The following GAS7 variants were observed in gnomAD, a reference collection of about 807,000 sequenced individuals.
GAS7 encodes growth arrest specific 7, also known as growth arrest-specific protein 7.
A neutral mutation model predicts 71.1 loss-of-function variants in GAS7; 28 were observed. The observed-to-expected ratio is 0.39, with a 90% CI of 0.29 to 0.54. The LOEUF is 0.54. GAS7 is among the 20% of genes least tolerant of loss of function. GAS7 has a pLI of 0.62. For missense variants in GAS7, 436 were observed against 627.8 expected, an observed-to-expected ratio of 0.69 and a Z score of 3.27; for synonymous variants, 258 against 245.8, an observed-to-expected ratio of 1.05 and a Z score of -0.46.
At chr17:9,979,467 T>C (rs537283552) in intron 3 of GAS7, among the ~76,000 whole-genome samples, 9 of 152,208 alleles carry the variant, frequency 5.9e-5, no homozygotes, top group Admixed American at 5.2e-4. Flanking sequence ...GATGCACCTG[T>C]AGGGTAAAGA....
At chr17:9,928,279 A>ATTTT (rs547589875) in intron 9 of GAS7, among the ~76,000 whole-genome samples, 1 of 137,676 alleles carries the variant, frequency 7.3e-6, no homozygotes, top group Non-Finnish European at 1.6e-5. Context: ...CGCCCGGCTA[A>ATTTT]TTTTTTTTTT....
At chr17:10,119,853 G>A (rs1322973742) in intron 1 of GAS7, among the ~76,000 whole-genome samples, 1 of 152,178 alleles carries the variant, frequency 6.6e-6, no homozygotes, top group East Asian at 1.9e-4. Flanking sequence ...CCTGCTGGGC[G>A]AGTTTGGTTC....
At position 9,981,704 on chromosome 17, in the gene GAS7, A is replaced by T; in HGVS notation, c.385+100T>A. The T allele has an allele frequency of 1.4e-6, 1 of 736,392 alleles. No individual in the cohort carries two copies. The highest frequency in any genetic ancestry group is 1.6e-5 in the South Asian group (1 of 62,056). The allele number at this position is 736,392 out of a possible 1,614,324, so 45.6% of individuals were successfully genotyped here. A position where few individuals can be genotyped will look rare whatever the true frequency, so the allele number is the denominator to read the frequency against. ...CCCAACCCCTCCCTGGGTTTGCTAC[A>T]TCAGCCAGGTTTAAGACCCAGGACC... On this transcript the variant is annotated intron_variant, in intron 3 of 13. Transcript: ENST00000432992. This position sits in a 1 kb window ranked among gnomAD's most constrained non-coding sequence, Gnocchi z 4.4.
intron 1 of GAS7, among the ~76,000 whole-genome samples, chr17:10,161,984 G>A (rs1248960085): frequency 2.0e-5 from 3 of 149,332 alleles, no homozygotes; most frequent in Non-Finnish European, 4.4e-5. Context: ...GGAGAATGGC[G>A]TGAACCCGGG....
At chr17:10,179,368 A>C (rs1387122736) in intron 1 of GAS7, among the ~76,000 whole-genome samples, 1 of 152,026 alleles carries the variant, frequency 6.6e-6, no homozygotes, top group East Asian at 1.9e-4. Context: ...TGTGACACCA[A>C]ATGAGAGGAG....
chr17:10,194,711 C>T (rs1050769450), intron 1 of GAS7, among the ~76,000 whole-genome samples: 4 of 152,080 alleles, frequency 2.6e-5, no homozygotes, highest in African/African-American at 9.7e-5. Flanking sequence ...CAGTGGCTCA[C>T]GCCTGTAATC....
At chr17:9,951,196 TCA>T (rs1203544984) in intron 5 of GAS7, among the ~76,000 whole-genome samples, 1 of 152,232 alleles carries the variant, frequency 6.6e-6, no homozygotes, top group Admixed American at 6.5e-5. Context: ...TTTCAACAAA[TCA>T]CAGTCATCAC....
chr17:10,072,071 A>G (rs2073345697), intron 1 of GAS7, among the ~76,000 whole-genome samples: 1 of 152,170 alleles, frequency 6.6e-6, no homozygotes, highest in South Asian at 2.1e-4. Flanking sequence ...TCTCTATCAC[A>G]GTAGTCTGCA....
chr17:10,167,183 G>T (rs997168224), intron 1 of GAS7, among the ~76,000 whole-genome samples: 1 of 149,700 alleles, frequency 6.7e-6, no homozygotes, highest in African/African-American at 2.5e-5. Context: ...TCAGCCTCCC[G>T]AGTAGCTGGG....
chr17:10,088,220 C>CAAT (rs58029258), intron 1 of GAS7, among the ~76,000 whole-genome samples: 26,516 of 137,580 alleles, frequency 0.19, 2,826 homozygotes, highest in Middle Eastern at 0.28. Flanking sequence ...GACTCTATCT[C>CAAT]AATAATAATA....
Position 9,914,603 on chromosome 17 carries a change from T to C in GAS7, c.*2625A>G. ...TTGGATATGGGCCGTGAGGGTCTGG[T>C]GACCAGGTGATTAAAATCTTGTTGC... On this transcript the variant is annotated 3_prime_UTR_variant, in exon 14 of 14. Transcript: ENST00000432992. 1 of 209,758 alleles carries C rather than the reference T, an allele frequency of 4.8e-6. No homozygotes were observed. Among genetic ancestry groups the C allele is most frequent in the Non-Finnish European group, 9.7e-6 (1 of 103,080 alleles). 13.0% of individuals were successfully genotyped at this position (209,758 alleles called of 1,614,324 possible).
intron 1 of GAS7, among the ~76,000 whole-genome samples, chr17:10,110,492 G>C (rs979477018): frequency 2.6e-5 from 4 of 152,092 alleles, no homozygotes; most frequent in African/African-American, 9.7e-5. Context: ...TTAAGACGGA[G>C]TCTCGCTGTG....
In GAS7 at chr17:9,919,969, T is replaced by TGTG. The variant is rs2067738985; in HGVS notation, c.1139-265_1139-264insCAC. Among the ~76,000 whole-genome samples, 26 of 131,498 alleles carry TGTG rather than the reference T, an allele frequency of 2.0e-4. No individual in the cohort carries two copies. Among genetic ancestry groups the TGTG allele is most frequent in the South Asian group, 5.4e-4 (2 of 3,726 alleles). The allele number at this position is 131,498 out of a possible 152,430, so 86.3% of individuals were successfully genotyped here. On this transcript the variant is annotated intron_variant, in intron 11 of 13. Coordinates refer to ENST00000432992, the MANE Select transcript of GAS7 (RefSeq NM_201433.2). The surrounding 1 kb of genome is among the most constrained non-coding windows in gnomAD (Gnocchi z 5.0). ...AGGATTCAGGATGGTGGTTCTCATT[T>TGTG]TGTGTGTGTGTGTGTGTGTGTGTGT...
chr17:10,137,226 G>A (rs1170197683), intron 1 of GAS7, among the ~76,000 whole-genome samples: 3 of 152,108 alleles, frequency 2.0e-5, no homozygotes, highest in African/African-American at 4.8e-5. Flanking sequence ...TGCACTTGCT[G>A]TTTCCTCTGC....
At chr17:10,008,038 G>A (rs1023635226) in intron 2 of GAS7, among the ~76,000 whole-genome samples, 29 of 152,094 alleles carry the variant, frequency 1.9e-4, no homozygotes, top group Non-Finnish European at 2.8e-4. Context: ...GTTCATCCAC[G>A]TTGTAGCATG....
At chr17:9,996,087 A>T (rs759281704) in intron 2 of GAS7, among the ~76,000 whole-genome samples, 11 of 152,242 alleles carry the variant, frequency 7.2e-5, no homozygotes, top group Non-Finnish European at 1.2e-4. Context: ...CCAAAGTAAG[A>T]AGACTATAAC....
intron 2 of GAS7, among the ~76,000 whole-genome samples, chr17:10,010,788 A>G (rs1277082960): frequency 6.6e-6 from 1 of 152,222 alleles, no homozygotes; most frequent in African/African-American, 2.4e-5. Context: ...TGAATACTGA[A>G]CTAAAGTACA....
chr17:10,047,023 G>A (rs1224947792), intron 1 of GAS7, among the ~76,000 whole-genome samples: 1 of 152,104 alleles, frequency 6.6e-6, no homozygotes, highest in South Asian at 2.1e-4. Context: ...TTGAGATGCA[G>A]GATTTGCACT....
intron 1 of GAS7, among the ~76,000 whole-genome samples, chr17:10,030,448 T>C (rs1402371962): frequency 2.0e-5 from 3 of 152,232 alleles, no homozygotes; most frequent in East Asian, 3.8e-4. Flanking sequence ...GACCATGTCC[T>C]GTGGAACTGT....
Sources: gnomAD v4.1 joint callset for allele counts (sites outside exome capture counted in the v4.1 genomes callset) on GRCh38, gnomAD v4.1.1 for gene constraint, Gnocchi (gnomAD v3.1) non-coding constraint, MANE v1.5 for transcripts, NCBI Gene and HGNC (gene_info 2026-07-23, HGNC 2026-07-21) for gene names.